UNC5C: variants seen among roughly 807,000 people sequenced by gnomAD.
The protein encoded by UNC5C is unc-5 netrin receptor C, also known as netrin receptor UNC5C.
A neutral mutation model predicts 99.8 loss-of-function variants in UNC5C; 47 were observed. The observed-to-expected ratio is 0.47, with a 90% CI of 0.37 to 0.60. The LOEUF (loss-of-function observed/expected upper bound fraction) is 0.60, where lower values mean the gene tolerates loss of function less well. Ranked by LOEUF, UNC5C falls within the 20% of genes least tolerant of loss-of-function variation. The probability of loss-of-function intolerance (pLI) is 0.00; values close to 1 mark genes in which losing one functional copy is unlikely to be tolerated. For missense variants in UNC5C, 1,062 were observed against 1,165.9 expected (o/e 0.91, Z 1.30); for synonymous variants, 487 against 452.2 (o/e 1.08, Z -0.98).
intron 1 of UNC5C, among the ~76,000 whole-genome samples, chr4:95,498,081 T>G (rs1488398618): frequency 6.6e-6 from 1 of 151,960 alleles, no homozygotes; most frequent in Non-Finnish European, 1.5e-5. Flanking sequence ...GGGATAATAA[T>G]AAGTAGCTTT....
chr4:95,219,214 T>G lies in UNC5C; in HGVS notation c.1400A>C (p.Asn467Thr). 1 of 1,614,014 alleles carries G rather than the reference T, an allele frequency of 6.2e-7. No homozygotes were observed. The highest frequency in any genetic ancestry group is 1.7e-5 in the Admixed American group (1 of 60,004). ...HDVSDKIPMT[N>T]SPILDPLPNL... Reference sequence around the variant, plus strand: ...GGGCAGTGGATCCAGAATTGGAGAGTTGGTCATTGGGATTTTGTCTGAGAC... The same window carrying G: ...GGGCAGTGGATCCAGAATTGGAGAGGTGGTCATTGGGATTTTGTCTGAGAC... Residue 467 changes from asparagine (N) to threonine (T), a missense_variant, in exon 9 of 16, where the codon AAC (asparagine) becomes ACC (threonine). Physicochemically the swap from Asn to Thr is moderately conservative, Grantham distance 65 (BLOSUM62 0). This residue lies in a region of UNC5C where 810 missense variants were observed against 854.5 expected (regional missense o/e 0.95). Transcript: ENST00000453304.
At chr4:95,472,639 C>G (rs890684936) in intron 1 of UNC5C, among the ~76,000 whole-genome samples, 7 of 152,026 alleles carry the variant, frequency 4.6e-5, no homozygotes, top group Admixed American at 3.9e-4. Flanking sequence ...CATATAAATT[C>G]ACCTTTCAAT....
chr4:95,503,096 C>G (rs1488101035), intron 1 of UNC5C, among the ~76,000 whole-genome samples: 1 of 152,154 alleles, frequency 6.6e-6, no homozygotes, highest in Admixed American at 6.6e-5. Context: ...AAACTTGATC[C>G]CCTATATAAC....
At chr4:95,436,255 A>G (rs1746784782) in intron 1 of UNC5C, among the ~76,000 whole-genome samples, 1 of 151,900 alleles carries the variant, frequency 6.6e-6, no homozygotes, top group Non-Finnish European at 1.5e-5. Context: ...AATAACCCAT[A>G]GTATATTTTT....
chr4:95,381,466 A>G (rs1745069935), intron 1 of UNC5C, among the ~76,000 whole-genome samples: 1 of 152,164 alleles, frequency 6.6e-6, no homozygotes, highest in Non-Finnish European at 1.5e-5. Flanking sequence ...ATCTTTTCAA[A>G]CAAACATGCC....
chr4:95,452,541 G>A (rs1747307258), intron 1 of UNC5C, among the ~76,000 whole-genome samples: 1 of 152,072 alleles, frequency 6.6e-6, no homozygotes, highest in South Asian at 2.1e-4. Flanking sequence ...ACAAGATAAT[G>A]TGACGTGTTA....
chr4:95,489,612 G>A (rs1224319731), intron 1 of UNC5C, among the ~76,000 whole-genome samples: 2 of 151,700 alleles, frequency 1.3e-5, no homozygotes, highest in African/African-American at 4.8e-5. Context: ...AGATGTGAGA[G>A]TCCTGCCCTG....
At position 95,245,112 on chromosome 4, in the gene UNC5C, A is replaced by G. The variant is rs1169545614; in HGVS notation, c.808T>C (p.Ser270Pro). 6.2e-7 allele frequency: 1 copy of G among 1,613,384 alleles called. No individual in the cohort carries two copies. The highest frequency in any genetic ancestry group is 8.5e-7 in the Non-Finnish European group (1 of 1,179,790). ...NGGWSTWTEW[S>P]VCNSRCGRGY... Reference sequence around the variant, plus strand: ...CGTCCACAGCGGCTGTTACACACAGACCACTCCGTCCAGGTGGACCAGCCA... The same window carrying G: ...CGTCCACAGCGGCTGTTACACACAGGCCACTCCGTCCAGGTGGACCAGCCA... The change falls in exon 6 of 16, where the codon TCT becomes CCT. Residue 270 changes from serine to proline, a missense_variant. Physicochemically the swap from Ser to Pro is moderately conservative, Grantham distance 74 (BLOSUM62 -1). Transcript: ENST00000453304.
intron 3 of UNC5C, among the ~76,000 whole-genome samples, chr4:95,297,820 C>G (rs1169971052): frequency 6.6e-6 from 1 of 152,208 alleles, no homozygotes; most frequent in African/African-American, 2.4e-5. Context: ...CTCACCACCT[C>G]CACTGCTTCC....
chr4:95,198,555 A>AAAT (rs369466857), intron 12 of UNC5C, among the ~76,000 whole-genome samples: 9,288 of 73,784 alleles, frequency 0.13, 831 homozygotes, highest in African/African-American at 0.26. Context: ...GATGGGAATA[A>AAAT]AATGGATGGA....
intron 7 of UNC5C, among the ~76,000 whole-genome samples, chr4:95,239,604 A>T (rs1739255635): frequency 6.6e-6 from 1 of 152,088 alleles, no homozygotes; most frequent in Admixed American, 6.5e-5. Context: ...TTGGAGTTGC[A>T]GCTTCATTTT....
At chr4:95,264,372 G>A (rs370006620) in intron 4 of UNC5C, among the ~76,000 whole-genome samples, 2 of 152,084 alleles carry the variant, frequency 1.3e-5, no homozygotes, top group Admixed American at 6.5e-5. Context: ...ATTTGTCCTC[G>A]TAGGCTTGTT....
In UNC5C at chr4:95,502,631, G is replaced by A. The variant is rs75061516; in HGVS notation, c.124+46103C>T. On this transcript the variant is annotated intron_variant, in intron 1 of 15. Transcript: ENST00000453304. Reference sequence around the variant, plus strand: ...TTACATTTAATCTGAGCAGTTACACGACAATGCATATAATGCTCAGCACAG... The same window carrying A: ...TTACATTTAATCTGAGCAGTTACACAACAATGCATATAATGCTCAGCACAG... Among the ~76,000 whole-genome samples, 582 of 152,198 alleles carry A rather than the reference G, an allele frequency of 3.8e-3. 2 individuals are homozygous for A. The highest frequency in any genetic ancestry group is 0.013 in the African/African-American group (550 of 41,544).
rs772203970 is a variant in UNC5C, at chr4:95,244,981, G to A, written c.939C>T (p.Cys313=). Residue 313 remains cysteine (C), a synonymous_variant, in exon 6 of 16, where the codon TGC becomes TGT. Coordinates refer to ENST00000453304, the MANE Select transcript of UNC5C (RefSeq NM_003728.4). ...SVQKIACTTL[C]PVDGRWTPWS... ...TGAGAGGACTGGTTTATTTACCTGG[G>A]CATAACGTAGTACAGGCTATTTTCT... 4 of 1,613,604 alleles carry A rather than the reference G, an allele frequency of 2.5e-6. No homozygotes were observed. The South Asian group carries it at 3.3e-5, about 13-fold the overall frequency.
intron 7 of UNC5C, among the ~76,000 whole-genome samples, chr4:95,230,126 T>C (rs1275977310): frequency 6.6e-6 from 1 of 152,134 alleles, no homozygotes; most frequent in Non-Finnish European, 1.5e-5. Flanking sequence ...ACTGACTTTT[T>C]AATGATCACC....
intron 14 of UNC5C, among the ~76,000 whole-genome samples, chr4:95,179,893 C>CTAAT (rs1471622911): frequency 6.6e-5 from 10 of 151,890 alleles, no homozygotes; most frequent in African/African-American, 2.4e-4. Flanking sequence ...TCTCTGGGAG[C>CTAAT]TAATTTTTGT....
intron 1 of UNC5C, among the ~76,000 whole-genome samples, chr4:95,485,202 T>A (rs1184944334): frequency 6.6e-6 from 1 of 151,804 alleles, no homozygotes; most frequent in East Asian, 2.0e-4. Flanking sequence ...TAAGAAGACA[T>A]GTAATTTTTT....
intron 4 of UNC5C, among the ~76,000 whole-genome samples, chr4:95,276,857 T>TA (rs948491550): frequency 1.1e-4 from 16 of 150,994 alleles, no homozygotes; most frequent in Non-Finnish European, 1.5e-4. Context: ...TCTTTCAAAG[T>TA]AAAAAAAAAG....
chr4:95,485,705 G>A (rs1354966048), intron 1 of UNC5C, among the ~76,000 whole-genome samples: 1 of 151,702 alleles, frequency 6.6e-6, no homozygotes, highest in African/African-American at 2.4e-5. Flanking sequence ...GGTGAAAAGA[G>A]AAAGATAAGT....
Sources: gnomAD v4.1 joint callset for allele counts (sites outside exome capture counted in the v4.1 genomes callset) on GRCh38, gnomAD v4.1.1 for gene constraint, gnomAD v4.1.1 regional missense constraint, MANE v1.5 for transcripts, NCBI Gene and HGNC (gene_info 2026-07-23, HGNC 2026-07-21) for gene names.